LYST: variants seen among roughly 807,000 people sequenced by gnomAD.
LYST encodes the protein lysosomal-trafficking regulator.
LYST carries 192 observed loss-of-function variants against 413.6 expected under a neutral mutation model. The ratio of observed to expected loss-of-function variants is 0.46; its 90% CI spans 0.41 to 0.52. LYST has a LOEUF of 0.52. Among genes scored for constraint, LYST ranks in the 20% least tolerant of loss-of-function variants. The pLI, the probability that LYST is intolerant of heterozygous loss-of-function variation, is 0.00. For missense variants in LYST, 3,815 were observed against 4,499.9 expected (o/e 0.85, Z 4.35); for synonymous variants, 1,525 against 1,567.3 (o/e 0.97, Z 0.64).
chr1:235,809,336 C>A lies in LYST; in HGVS notation c.1482G>T (p.Ser494=), dbSNP rs754596305. 1.9e-6 allele frequency: 3 copies of A among 1,613,934 alleles called. No individual in the cohort carries two copies. In the South Asian group the frequency reaches 3.3e-5, roughly 18 times the overall value. The part of the protein sequence containing the change: ...KKVKSEQLHH[S]MCTRKRHRRC... Reference sequence around the variant, plus strand: ...GTCTGTGCCTTTTTCTTGTACACATCGAATGATGAAGTTGCTCTGATTTCA... The same window carrying A: ...GTCTGTGCCTTTTTCTTGTACACATAGAATGATGAAGTTGCTCTGATTTCA... The change falls in exon 5 of 53, where the codon TCG becomes TCT. Residue 494 remains serine, a synonymous_variant. Coordinates refer to ENST00000389793, the MANE Select transcript of LYST (RefSeq NM_000081.4). The surrounding 1 kb of genome is among the most constrained non-coding windows in gnomAD (Gnocchi z 4.0).
intron 48 of LYST, among the ~76,000 whole-genome samples, chr1:235,684,799 GT>G (rs577802552): frequency 6.7e-6 from 1 of 149,386 alleles, no homozygotes. Flanking sequence ...TTTTATTTTT[GT>G]TTTTTTTTGG....
chr1:235,676,623 G>A (rs1254440104), intron 50 of LYST, among the ~76,000 whole-genome samples: 1 of 151,976 alleles, frequency 6.6e-6, no homozygotes, highest in Non-Finnish European at 1.5e-5. Flanking sequence ...GGCTCTCTGG[G>A]GTACCTTTCT....
rs376496670 is a variant in LYST at position 235,805,886 on chromosome 1, C to T, written c.3250G>A (p.Ala1084Thr). ...GTAAATAGCTTTGCTTCCTCGGGAG[C>T]GGCTTCAGTAGCTGAAACTTCTTCC... ...NVEEVSATEAAPEEAKLFTSQ... is the reference protein window; with the variant it reads ...NVEEVSATEATPEEAKLFTSQ... Residue 1084 changes from alanine to threonine, a missense_variant, in exon 6 of 53, where the codon GCT becomes ACT. Ala to Thr is a moderately conservative substitution (Grantham distance 58, BLOSUM62 0). This residue lies in a region of LYST where 1,648 missense variants were observed against 1,810.3 expected (regional missense o/e 0.91). Coordinates refer to ENST00000389793, the MANE Select transcript of LYST (RefSeq NM_000081.4). 23 of 1,613,598 alleles carry T rather than the reference C, an allele frequency of 1.4e-5. No homozygotes were observed. Among genetic ancestry groups the T allele is most frequent in the South Asian group, 3.3e-5 (3 of 91,080 alleles).
chr1:235,739,320 G>A lies in LYST; in HGVS notation c.8358+2102C>T, dbSNP rs192079668. Among the ~76,000 whole-genome samples, 6 of 152,264 alleles carry A rather than the reference G, an allele frequency of 3.9e-5. No individual in the cohort carries two copies. In the East Asian group the frequency reaches 9.6e-4, roughly 24 times the overall value. On this transcript the variant is annotated intron_variant, in intron 31 of 52. Coordinates refer to ENST00000389793, the MANE Select transcript of LYST (RefSeq NM_000081.4). ...GCCAATGCTGCACATGCTGCAGTTG[G>A]CCCTTGAGCCAGATGGATGTTTACC...
intron 48 of LYST, among the ~76,000 whole-genome samples, chr1:235,681,462 G>A (rs1451200722): frequency 6.6e-6 from 1 of 152,226 alleles, no homozygotes; most frequent in African/African-American, 2.4e-5. Flanking sequence ...TCTGGGGCAG[G>A]ACTAATGTGA....
chr1:235,799,486 G>T (rs10926706), intron 10 of LYST, among the ~76,000 whole-genome samples: 4,701 of 152,172 alleles, frequency 0.031, 227 homozygotes, highest in African/African-American at 0.11. Context: ...TTGATATGAT[G>T]CACTCAAAAG....
At chr1:235,744,776 T>C (rs1468417109) in intron 29 of LYST, among the ~76,000 whole-genome samples, 2 of 151,728 alleles carry the variant, frequency 1.3e-5, no homozygotes, top group Admixed American at 1.3e-4. Flanking sequence ...GGTGCACACC[T>C]GTAGTCACAG....
At position 235,809,837 on chromosome 1, in the gene LYST, G is replaced by A; in HGVS notation, c.981C>T (p.Leu327=). ...ACAGAAGATGCAACACTGTTCGAAA[G>A]AGCATCCTTTGAATCAAAGCCACCG... ...EEPVALIQRM[L]FRTVLHLLSV... Residue 327 remains leucine, a synonymous_variant, in exon 5 of 53, where the codon CTC becomes CTT. Coordinates refer to ENST00000389793, the MANE Select transcript of LYST (RefSeq NM_000081.4). This position sits in a 1 kb window ranked among gnomAD's most constrained non-coding sequence, Gnocchi z 4.0. 1.2e-6 allele frequency: 2 copies of A among 1,613,980 alleles called. No homozygotes were observed. The highest frequency in any genetic ancestry group is 1.1e-5 in the South Asian group (1 of 91,078).
intron 38 of LYST, among the ~76,000 whole-genome samples, chr1:235,724,681 C>T: frequency 6.6e-6 from 1 of 152,212 alleles, no homozygotes; most frequent in East Asian, 1.9e-4. Context: ...CTCATCCCTC[C>T]TTTCCTCTCC....
At chr1:235,785,237 G>A (rs1229651259) in intron 14 of LYST, among the ~76,000 whole-genome samples, 1 of 152,048 alleles carries the variant, frequency 6.6e-6, no homozygotes, top group Non-Finnish European at 1.5e-5. Context: ...TCCACCCATC[G>A]TAAGTGTCAA....
rs1672828545 is a variant in LYST at position 235,806,325 on chromosome 1, T to C, written c.2811A>G (p.Leu937=). 6.2e-7 allele frequency: 1 copy of C among 1,613,894 alleles called. No homozygotes were observed. Among genetic ancestry groups the C allele is most frequent in the African/African-American group, 1.3e-5 (1 of 74,882 alleles). The change falls in exon 6 of 53, where the codon TTA becomes TTG. Residue 937 remains leucine (L), a synonymous_variant. Transcript: ENST00000389793. Reference sequence around the variant, plus strand: ...GAGATATACATGGCAGCATATGACTTAAAGGCTCGCTGGCTGTGCTGTCAT... The same window carrying C: ...GAGATATACATGGCAGCATATGACTCAAAGGCTCGCTGGCTGTGCTGTCAT... ...SGYDSTASEP[L]SHMLPCISLE...
intron 1 of LYST, among the ~76,000 whole-genome samples, chr1:235,851,190 A>G (rs56658705): frequency 4.2e-4 from 56 of 133,622 alleles, no homozygotes; most frequent in African/African-American, 6.4e-4. Flanking sequence ...ATGTGTGTGT[A>G]TATATATATA....
upstream of LYST, among the ~76,000 whole-genome samples, chr1:235,868,038 T>C (rs1680729922): frequency 6.6e-6 from 1 of 152,250 alleles, no homozygotes; most frequent in Non-Finnish European, 1.5e-5. Flanking sequence ...TGATGTGGTT[T>C]AGAGGGTGCT....
chr1:235,836,156 C>T (rs1004948421), intron 1 of LYST, among the ~76,000 whole-genome samples: 2 of 152,154 alleles, frequency 1.3e-5, no homozygotes, highest in African/African-American at 2.4e-5. Context: ...CATACATACA[C>T]AAACACTGAT....
At chr1:235,692,505 T>G (rs1660740942) in intron 47 of LYST, among the ~76,000 whole-genome samples, 1 of 151,790 alleles carries the variant, frequency 6.6e-6, no homozygotes, top group African/African-American at 2.4e-5. Context: ...CTCAGCCTCC[T>G]GAGTAGCTGG....
chr1:235,775,953 T>A (rs1669190661), intron 17 of LYST, among the ~76,000 whole-genome samples: 1 of 152,076 alleles, frequency 6.6e-6, no homozygotes, highest in South Asian at 2.1e-4. Context: ...AAAACATACT[T>A]TAAAAGTCTT....
chr1:235,794,807 A>C (rs567082987), intron 10 of LYST, among the ~76,000 whole-genome samples: 26 of 152,324 alleles, frequency 1.7e-4, no homozygotes, highest in African/African-American at 6.0e-4. Flanking sequence ...AAGGTTTTTA[A>C]GTAGGAAAAT....
intron 12 of LYST, among the ~76,000 whole-genome samples, chr1:235,791,194 A>G (rs1670940701): frequency 6.6e-6 from 1 of 152,084 alleles, no homozygotes; most frequent in African/African-American, 2.4e-5. Flanking sequence ...AGGCAGGAGA[A>G]TCGCTTGAAC....
At chr1:235,850,570 A>G (rs1678407919) in intron 1 of LYST, among the ~76,000 whole-genome samples, 1 of 152,198 alleles carries the variant, frequency 6.6e-6, no homozygotes, top group Non-Finnish European at 1.5e-5. Context: ...CAAAAGTAAC[A>G]GTCAGCAGAG....
Sources: gnomAD v4.1 joint callset for allele counts (sites outside exome capture counted in the v4.1 genomes callset) on GRCh38, gnomAD v4.1.1 for gene constraint, gnomAD v4.1.1 regional missense constraint, Gnocchi (gnomAD v3.1) non-coding constraint, MANE v1.5 for transcripts, NCBI Gene and HGNC (gene_info 2026-07-23, HGNC 2026-07-21) for gene names.